ARHGAP29: variants seen among roughly 807,000 people sequenced by gnomAD.
ARHGAP29 encodes Rho GTPase activating protein 29.
Under a neutral mutation model 122.6 loss-of-function variants are expected in ARHGAP29, and 43 were observed. The ratio of observed to expected loss-of-function variants is 0.35; its 90% CI spans 0.27 to 0.45. The LOEUF is 0.45. Among genes scored for constraint, ARHGAP29 ranks in the 20% least tolerant of loss-of-function variants. The probability of loss-of-function intolerance (pLI) is 1.00; values close to 1 mark genes in which losing one functional copy is unlikely to be tolerated. For missense variants in ARHGAP29, 1,303 were observed against 1,477.2 expected (o/e 0.88, Z 1.93); for synonymous variants, 506 against 497.1 (o/e 1.02, Z -0.24).
At chr1:94,264,374 T>A (rs1262938782) in intron 1 of ARHGAP29, among the ~76,000 whole-genome samples, 1 of 152,164 alleles carries the variant, frequency 6.6e-6, no homozygotes, top group Non-Finnish European at 1.5e-5. Context: ...GTCCCAAGAC[T>A]GAGAAGACTC....
intron 18 of ARHGAP29, among the ~76,000 whole-genome samples, 178 bp from the exon 19 acceptor site, chr1:94,184,466 A>C (rs554884975): frequency 2.0e-4 from 30 of 152,312 alleles, no homozygotes; most frequent in South Asian, 6.2e-4. Context: ...ATCTGAAAAA[A>C]TTTAGTTATT....
chr1:94,306,491 A>T, the ARHGAP29 span, among the ~76,000 whole-genome samples: 1 of 152,338 alleles, frequency 6.6e-6, no homozygotes, highest in East Asian at 1.9e-4. Flanking sequence ...TCTGAATTTT[A>T]GGTCTTCACT....
the ARHGAP29 span, among the ~76,000 whole-genome samples, chr1:94,288,135 T>G: frequency 6.6e-6 from 1 of 152,232 alleles, no homozygotes; most frequent in African/African-American, 2.4e-5. Flanking sequence ...CATTTCTATT[T>G]CTCCACATCC....
chr1:94,200,718 T>C (rs114033167), intron 12 of ARHGAP29, among the ~76,000 whole-genome samples: 28 of 152,318 alleles, frequency 1.8e-4, no homozygotes, highest in Non-Finnish European at 3.1e-4. Flanking sequence ...AAACAAACTA[T>C]TGATACATGC....
chr1:94,231,327 G>A, intron 2 of ARHGAP29, 80 bp downstream of exon 2: 1 of 1,180,092 alleles, frequency 8.5e-7, no homozygotes, highest in Non-Finnish European at 1.2e-6. Flanking sequence ...TCCTACCACT[G>A]TGTACAAACT....
At chr1:94,264,990 T>C (rs1654705279) in intron 1 of ARHGAP29, among the ~76,000 whole-genome samples, 1 of 152,232 alleles carries the variant, frequency 6.6e-6, no homozygotes, top group Non-Finnish European at 1.5e-5. Context: ...CTGGCCCGTA[T>C]GTTACAAGCC....
At chr1:94,292,243 T>A in the ARHGAP29 span, among the ~76,000 whole-genome samples, 1 of 152,236 alleles carries the variant, frequency 6.6e-6, no homozygotes, top group Non-Finnish European at 1.5e-5. Flanking sequence ...CTTAATCAAA[T>A]TGGCTACTGA....
At chr1:94,183,669 C>T (rs1649619212) in intron 19 of ARHGAP29, among the ~76,000 whole-genome samples, 1 of 152,152 alleles carries the variant, frequency 6.6e-6, no homozygotes, top group African/African-American at 2.4e-5. Context: ...TCAACGAAGG[C>T]AAAGCCAGCC....
intron 7 of ARHGAP29, among the ~76,000 whole-genome samples, chr1:94,204,212 G>A (rs991890471): frequency 6.6e-6 from 1 of 151,246 alleles, no homozygotes; most frequent in African/African-American, 2.4e-5. Flanking sequence ...GAACTCCCAG[G>A]CTCAAGTGAT....
At chr1:94,303,634 G>A in the ARHGAP29 span, among the ~76,000 whole-genome samples, 7,405 of 152,262 alleles carry the variant, frequency 0.049, 622 homozygotes, top group African/African-American at 0.17. Flanking sequence ...GACCACAGAT[G>A]TAAAGTATTT....
At chr1:94,306,101 T>C in the ARHGAP29 span, among the ~76,000 whole-genome samples, 1 of 152,256 alleles carries the variant, frequency 6.6e-6, no homozygotes, top group Non-Finnish European at 1.5e-5. Flanking sequence ...GGCCATTTTA[T>C]AACCAATTTA....
intron 1 of ARHGAP29, among the ~76,000 whole-genome samples, chr1:94,233,627 A>G (rs66918029): frequency 0.092 from 14,030 of 152,164 alleles, 711 homozygotes; most frequent in South Asian, 0.14. Context: ...CTACCTGTGC[A>G]ATGTCATATG....
chr1:94,207,065 G>A (rs1182339387), intron 5 of ARHGAP29, among the ~76,000 whole-genome samples: 5 of 149,864 alleles, frequency 3.3e-5, no homozygotes, highest in African/African-American at 1.2e-4. Flanking sequence ...CTGGAGTGCA[G>A]CGCCACGATC....
intron 2 of ARHGAP29, among the ~76,000 whole-genome samples, chr1:94,223,330 T>G (rs2101591673): frequency 6.6e-6 from 1 of 152,290 alleles, no homozygotes; most frequent in South Asian, 2.1e-4. Flanking sequence ...AAGCATAGTC[T>G]CTGAAACCAG....
chr1:94,182,125 G>C (rs917448226), intron 19 of ARHGAP29, among the ~76,000 whole-genome samples: 3 of 151,346 alleles, frequency 2.0e-5, no homozygotes, highest in African/African-American at 7.3e-5. Context: ...AATATCCTCA[G>C]ATATGGCAGT....
upstream of ARHGAP29, among the ~76,000 whole-genome samples, chr1:94,238,427 T>G (rs1475853125): frequency 6.6e-6 from 1 of 150,570 alleles, no homozygotes; most frequent in South Asian, 2.1e-4. Context: ...AAAAAAAGTC[T>G]GAGAAAGATG....
At chr1:94,201,479 T>C (rs897464841) in intron 12 of ARHGAP29, among the ~76,000 whole-genome samples, 3 of 150,874 alleles carry the variant, frequency 2.0e-5, no homozygotes, top group Admixed American at 2.0e-4. Flanking sequence ...CTCCCTTCTT[T>C]CCTCCCTCCC....
At chr1:94,220,029 T>G (rs3789689) in intron 3 of ARHGAP29, among the ~76,000 whole-genome samples, 17,206 of 152,246 alleles carry the variant, frequency 0.11, 1,247 homozygotes, top group African/African-American at 0.2. Flanking sequence ...TGGTTAAAGT[T>G]AAGTCTTTTT....
chr1:94,251,231 C>T (rs924563687), intron 1 of ARHGAP29, among the ~76,000 whole-genome samples: 7 of 148,356 alleles, frequency 4.7e-5, no homozygotes, highest in African/African-American at 7.5e-5. Context: ...AGTGCAGTGG[C>T]GCAATCTTGG....
Sources: gnomAD v4.1 joint callset for allele counts (sites outside exome capture counted in the v4.1 genomes callset) on GRCh38, gnomAD v4.1.1 for gene constraint, MANE v1.5 for transcripts, NCBI Gene and HGNC (gene_info 2026-07-23, HGNC 2026-07-21) for gene names.